WDR73: variants seen among roughly 807,000 people sequenced by gnomAD.
WDR73 encodes WD repeat domain 73, also known as integrator complex assembly factor WDR73.
A neutral mutation model predicts 38.2 loss-of-function variants in WDR73; 30 were observed. The observed-to-expected ratio is 0.79, with a 90% CI of 0.59 to 1.06. The LOEUF (loss-of-function observed/expected upper bound fraction) is 1.06, where lower values mean the gene tolerates loss of function less well. Among genes scored for constraint, WDR73 ranks in the 50% least tolerant of loss-of-function variants. The pLI is 0.00. For synonymous variants in WDR73, 197 were observed against 176.0 expected (o/e 1.12, Z -0.94); for missense variants, 487 against 467.0 (o/e 1.04, Z -0.40).
intron 3 of WDR73, among the ~76,000 whole-genome samples, chr15:84,649,574 A>G (rs1383869327): frequency 6.6e-6 from 1 of 151,196 alleles, no homozygotes; most frequent in Non-Finnish European, 1.5e-5. Flanking sequence ...AGTTTAAGCT[A>G]TTCTCCTGCC....
Position 84,639,667 on chromosome 15 carries a change from C to T in WDR73, c.*3803G>A, listed in dbSNP as rs1896199332. 1 of 152,362 alleles carries T rather than the reference C, an allele frequency of 6.6e-6. No individual in the cohort carries two copies. Among genetic ancestry groups the T allele is most frequent in the African/African-American group, 2.4e-5 (1 of 41,416 alleles). 9.4% of individuals were successfully genotyped at this position (152,362 alleles called of 1,614,324 possible). Reference sequence around the variant, plus strand: ...GCCAGGTGCTAATCTGGAGAAAAGCCAAGACCTGGAGCGAGCTGGAGTGGC... The same window carrying T: ...GCCAGGTGCTAATCTGGAGAAAAGCTAAGACCTGGAGCGAGCTGGAGTGGC... On this transcript the variant is annotated 3_prime_UTR_variant, in exon 8 of 8. Coordinates refer to ENST00000434634, the MANE Select transcript of WDR73 (RefSeq NM_032856.5).
In WDR73 at chr15:84,643,204, C is replaced by G; in HGVS notation, c.*266G>C. On this transcript the variant is annotated 3_prime_UTR_variant, in exon 8 of 8. Coordinates refer to ENST00000434634, the MANE Select transcript of WDR73 (RefSeq NM_032856.5). ...ATAGTGTGAAGACAGGGACAAAACG[C>G]TACCATTTCACACTCCCAGATCTAA... The G allele has an allele frequency of 2.1e-6, 1 of 483,062 alleles. No individual in the cohort carries two copies. Among genetic ancestry groups the G allele is most frequent in the Non-Finnish European group, 3.7e-6 (1 of 269,372 alleles). 29.9% of individuals were successfully genotyped at this position (483,062 alleles called of 1,614,324 possible). A position where few individuals can be genotyped will look rare whatever the true frequency, so the allele number is the denominator to read the frequency against.
At position 84,645,665 on chromosome 15, in the gene WDR73, A is replaced by C. The variant is rs1305135741; in HGVS notation, c.689T>G (p.Val230Gly). The change falls in exon 7 of 8, where the codon GTT becomes GGT. Residue 230 changes from valine to glycine, a missense_variant. Coordinates refer to ENST00000434634, the MANE Select transcript of WDR73 (RefSeq NM_032856.5). ...GSGGERWCAE[V>G]GSWGQGPGPS... The stretch of plus-strand genomic sequence containing the variant: ...CCCAGGGCCCTGGCCCCAGCTCCCA[A>C]CTTCAGCACACCATCTCTCTCCACC... The C allele has an allele frequency of 6.2e-7, 1 of 1,608,532 alleles. No individual in the cohort carries two copies.
In WDR73 at chr15:84,648,535, A is replaced by T; in HGVS notation, c.287+2T>A. The T allele has an allele frequency of 6.2e-7, 1 of 1,611,332 alleles. No individual in the cohort carries two copies. On this transcript the variant is annotated splice_donor_variant, in intron 4 of 7. Coordinates refer to ENST00000434634, the MANE Select transcript of WDR73 (RefSeq NM_032856.5). LOFTEE classifies it high-confidence loss of function. ...ATGGCTGGATCACAAAATTGACCAT[A>T]CCTGGTATGTGGCACATGCTTTAGA...
rs776733894 is a variant in WDR73, at chr15:84,645,669, C to A, written c.685G>T (p.Glu229Ter). ...PGSGGERWCAEVGSWGQGPGP... is the reference protein window; with the variant it reads ...PGSGGERWCA ...GGGCCCTGGCCCCAGCTCCCAACTT[C>A]AGCACACCATCTCTCTCCACCAGAC... The change falls in exon 7 of 8, where the codon GAA becomes TAA. Residue 229 changes from glutamate (E) to a stop codon, truncating the protein, a stop_gained. Coordinates refer to ENST00000434634, the MANE Select transcript of WDR73 (RefSeq NM_032856.5). LOFTEE classifies it high-confidence loss of function. The A allele has an allele frequency of 6.2e-7, 1 of 1,608,680 alleles. No individual in the cohort carries two copies. Among genetic ancestry groups the A allele is most frequent in the African/African-American group, 1.3e-5 (1 of 74,774 alleles).
intron 7 of WDR73, chr15:84,644,606 G>C: frequency 7.5e-6 from 1 of 134,186 alleles, no homozygotes; most frequent in South Asian, 2.4e-4. Context: ...TTGAGACAGA[G>C]TCTTGCTCTG....
Position 84,647,793 on chromosome 15 carries a change from C to A in WDR73, c.352+97G>T, listed in dbSNP as rs1896508318. 3 of 1,218,930 alleles carry A rather than the reference C, an allele frequency of 2.5e-6. No individual in the cohort carries two copies. The Admixed American group carries it at 5.2e-5, about 21-fold the overall frequency. 75.5% of individuals were successfully genotyped at this position (1,218,930 alleles called of 1,614,324 possible). The stretch of plus-strand genomic sequence containing the variant: ...ATTACAGGCATGAGACTGTCCCCAG[C>A]CTGAGTCTCCTTCTTAACTGGCTCA... On this transcript the variant is annotated intron_variant, in intron 5 of 7. Coordinates refer to ENST00000434634, the MANE Select transcript of WDR73 (RefSeq NM_032856.5).
intron 3 of WDR73, 89 bp from the exon 4 acceptor site, chr15:84,648,714 G>A (rs1896537855): frequency 9.4e-7 from 1 of 1,059,658 alleles, no homozygotes; most frequent in Non-Finnish European, 1.4e-6. Flanking sequence ...TCCTAGCCTG[G>A]CAGGAGGCCA....
At position 84,643,744 on chromosome 15, in the gene WDR73, G is replaced by C. The variant is rs765702732; in HGVS notation, c.884-21C>G. 6 of 1,594,746 alleles carry C rather than the reference G, an allele frequency of 3.8e-6. No individual in the cohort carries two copies. The East Asian group carries it at 1.1e-4, about 30-fold the overall frequency. ...AAAACCTGAGAATACAGAAAAGAGA[G>C]GCTTGACAATGAGTCCCTAATTTTA... On this transcript the variant is annotated intron_variant, in intron 7 of 7. Transcript: ENST00000434634.
At chr15:84,649,641 T>C (rs1896565621) in intron 3 of WDR73, among the ~76,000 whole-genome samples, 1 of 152,034 alleles carries the variant, frequency 6.6e-6, no homozygotes, top group Admixed American at 6.6e-5. Context: ...AGTTAATTTT[T>C]GTATTTTTAG....
Position 84,643,350 on chromosome 15 carries a change from C to T in WDR73, c.*120G>A, listed in dbSNP as rs1896326354. ...ACTGAGGCTAAGTGACGCTGGCAGACTTGCCCAAGGCCACACAGCTGGTAA... is the reference window on the plus strand; with the variant it reads ...ACTGAGGCTAAGTGACGCTGGCAGATTTGCCCAAGGCCACACAGCTGGTAA... On this transcript the variant is annotated 3_prime_UTR_variant, in exon 8 of 8. Transcript: ENST00000434634. 2 of 1,290,848 alleles carry T rather than the reference C, an allele frequency of 1.5e-6. No homozygotes were observed. The highest frequency in any genetic ancestry group is 3.1e-5 in the South Asian group (2 of 65,098). 80.0% of individuals were successfully genotyped at this position (1,290,848 alleles called of 1,614,324 possible). A position where few individuals can be genotyped will look rare whatever the true frequency, so the allele number is the denominator to read the frequency against.
intron 5 of WDR73, 88 bp downstream of exon 5, chr15:84,647,802 C>G (rs996403710): frequency 1.5e-6 from 2 of 1,322,376 alleles, no homozygotes; most frequent in African/African-American, 1.4e-5. Flanking sequence ...GCCTGAGTCT[C>G]CTTCTTAACT....
At position 84,653,712 on chromosome 15, in the gene WDR73, G is replaced by A. The variant is rs1389474589; in HGVS notation, c.42-13C>T. 5.1e-6 allele frequency: 8 copies of A among 1,580,074 alleles called. No homozygotes were observed. Among genetic ancestry groups the A allele is most frequent in the Middle Eastern group, 1.7e-4 (1 of 6,018 alleles). ...GAAATCCTGGTACCTGCACAAAAGG[G>A]ACACAGAATCACACGATGCACAGCA... On this transcript the variant is annotated splice_polypyrimidine_tract_variant and intron_variant, in intron 1 of 7. Coordinates refer to ENST00000434634, the MANE Select transcript of WDR73 (RefSeq NM_032856.5).
chr15:84,646,335 A>G lies in WDR73; in HGVS notation c.366T>C (p.Ala122=). The G allele has an allele frequency of 6.2e-7, 1 of 1,611,668 alleles. No individual in the cohort carries two copies. Among genetic ancestry groups the G allele is most frequent in the Non-Finnish European group, 8.5e-7 (1 of 1,178,074 alleles). Residue 122 remains alanine, a synonymous_variant, in exon 6 of 8, where the codon GCT becomes GCC. Transcript: ENST00000434634. ...QVAEDSDVIK[A]VSTIAVHEKE... is the part of the protein sequence containing the mutation. Reference sequence around the variant, plus strand: ...TCTCATGCACAGCAATGGTGCTGACAGCTTTAATGACATCTAGGGGAAAAC... The same window carrying G: ...TCTCATGCACAGCAATGGTGCTGACGGCTTTAATGACATCTAGGGGAAAAC...
In WDR73 at chr15:84,639,773, C is replaced by T. The variant is rs1358342933; in HGVS notation, c.*3697G>A. On this transcript the variant is annotated 3_prime_UTR_variant, in exon 8 of 8. Transcript: ENST00000434634. Reference sequence around the variant, plus strand: ...GATTTTTCTGGGAATTCTCAGAGGCCTGGATCCACGAAAAACTCCGCACCT... The same window carrying T: ...GATTTTTCTGGGAATTCTCAGAGGCTTGGATCCACGAAAAACTCCGCACCT... 1.3e-5 allele frequency: 2 copies of T among 152,212 alleles called. No homozygotes were observed. Among genetic ancestry groups the T allele is most frequent in the South Asian group, 2.1e-4 (1 of 4,830 alleles). 9.4% of individuals were successfully genotyped at this position (152,212 alleles called of 1,614,324 possible). A position where few individuals can be genotyped will look rare whatever the true frequency, so the allele number is the denominator to read the frequency against.
Position 84,640,334 on chromosome 15 carries a change from ATAC to A in WDR73, c.*3133_*3135del, listed in dbSNP as rs1227748143. 6.6e-6 allele frequency: 1 copy of A among 152,182 alleles called. No individual in the cohort carries two copies. Among genetic ancestry groups the A allele is most frequent in the African/African-American group, 2.4e-5 (1 of 41,422 alleles). 9.4% of individuals were successfully genotyped at this position (152,182 alleles called of 1,614,324 possible). On this transcript the variant is annotated 3_prime_UTR_variant, in exon 8 of 8. Transcript: ENST00000434634. ...GAAAAATTGGTGACAACTTTAAGAAATACTGTTTATATCCCGTCCTCAAATATT... is the reference window on the plus strand; with the variant it reads ...GAAAAATTGGTGACAACTTTAAGAAATGTTTATATCCCGTCCTCAAATATT...
At position 84,645,794 on chromosome 15, in the gene WDR73, T is replaced by A; in HGVS notation, c.560A>T (p.Asp187Val). 1 of 1,613,738 alleles carries A rather than the reference T, an allele frequency of 6.2e-7. No individual in the cohort carries two copies. The highest frequency in any genetic ancestry group is 8.5e-7 in the Non-Finnish European group (1 of 1,179,808). ...ACAGCAGAAGGCAAAGGTGTCTGCA[T>A]CTAGGACCTGCAGGCTACTCAGCTC... ...SEELSSLQVL[D>V]ADTFAFCCAS... is the part of the protein sequence containing the mutation. The change falls in exon 7 of 8, where the codon GAT (aspartate) becomes GTT (valine). Residue 187 changes from aspartate (D) to valine (V), a missense_variant. Transcript: ENST00000434634.
In WDR73 at chr15:84,646,279, A is replaced by T; in HGVS notation, c.422T>A (p.Val141Asp). 6.2e-7 allele frequency: 1 copy of T among 1,613,946 alleles called. No homozygotes were observed. The highest frequency in any genetic ancestry group is 2.2e-5 in the East Asian group (1 of 44,880). ...GACTCCGGGTGCCAATGTGGAGAAG[A>T]CGGCCACCCTAGGCCAGAGACTCTC... ...KEESLWPRVA[V>D]FSTLAPGVLH... Residue 141 changes from valine to aspartate, a missense_variant, in exon 6 of 8, where the codon GTC becomes GAC. Physicochemically the swap from Val to Asp is radical, Grantham distance 152 (BLOSUM62 -3). Coordinates refer to ENST00000434634, the MANE Select transcript of WDR73 (RefSeq NM_032856.5).
chr15:84,643,521 A>G lies in WDR73; in HGVS notation c.1086T>C (p.Asn362=). The G allele has an allele frequency of 6.3e-7, 1 of 1,591,648 alleles. No homozygotes were observed. The part of the protein sequence containing the change: ...CRPRTLLSAT[N]DASLHVWDWV... ...AGTCCCACACATGCAGAGAGGCATC[A>G]TTTGTTGCTGATAACAAAGTCCTTG... Residue 362 remains asparagine, a synonymous_variant, in exon 8 of 8, where the codon AAT becomes AAC. Transcript: ENST00000434634.
Sources: allele counts gnomAD v4.1 joint callset (sites outside exome capture counted in the v4.1 genomes callset), GRCh38; gene constraint gnomAD v4.1.1; transcripts MANE v1.5; gene names NCBI Gene and HGNC (gene_info 2026-07-23, HGNC 2026-07-21).